CRB1: variants seen among roughly 807,000 people sequenced by gnomAD.
CRB1 encodes crumbs cell polarity complex component 1.
A neutral mutation model predicts 120.0 loss-of-function variants in CRB1; 83 were observed. That is an observed-to-expected ratio of 0.69 (90% CI 0.58 to 0.83). The LOEUF is 0.83. Among genes scored for constraint, CRB1 ranks in the 40% least tolerant of loss-of-function variants. The probability of loss-of-function intolerance (pLI) is 0.00; values close to 1 mark genes in which losing one functional copy is unlikely to be tolerated. For missense variants in CRB1, 1,699 were observed against 1,687.6 expected (o/e 1.01, Z -0.12); for synonymous variants, 625 against 612.5 (o/e 1.02, Z -0.30).
intron 6 of CRB1, among the ~76,000 whole-genome samples, chr1:197,426,158 G>C (rs1664573169): frequency 6.6e-6 from 1 of 151,962 alleles, no homozygotes; most frequent in Non-Finnish European, 1.5e-5. Flanking sequence ...CAAAGCCTTA[G>C]AGATGAACTT....
intron 5 of CRB1, among the ~76,000 whole-genome samples, chr1:197,416,682 T>C (rs1014354301): frequency 4.6e-5 from 7 of 152,052 alleles, no homozygotes; most frequent in Non-Finnish European, 7.4e-5. Context: ...TTTTGAAAGG[T>C]TTATACTTTT....
chr1:197,412,571 G>A (rs1663764618), intron 5 of CRB1, among the ~76,000 whole-genome samples: 1 of 152,108 alleles, frequency 6.6e-6, no homozygotes, highest in African/African-American at 2.4e-5. Context: ...TAGGTCCATT[G>A]ATCAGAACCC....
chr1:197,319,474 AT>A (rs1386178149), intron 1 of CRB1, among the ~76,000 whole-genome samples: 1 of 148,326 alleles, frequency 6.7e-6, no homozygotes, highest in African/African-American at 2.5e-5. Context: ...AACGGAGAAT[AT>A]TTTTTAAATA....
intron 11 of CRB1, among the ~76,000 whole-genome samples, chr1:197,472,919 T>C (rs1299239193): frequency 6.6e-6 from 1 of 152,198 alleles, no homozygotes; most frequent in East Asian, 1.9e-4. Context: ...AAAGTTCTTG[T>C]CCTGTGCGTA....
chr1:197,404,352 G>A (rs1009315757), intron 5 of CRB1, among the ~76,000 whole-genome samples: 2 of 146,580 alleles, frequency 1.4e-5, no homozygotes, highest in Non-Finnish European at 3.0e-5. Flanking sequence ...TGAGGCAGGA[G>A]AATGGCATGA....
intron 5 of CRB1, among the ~76,000 whole-genome samples, chr1:197,414,516 T>C (rs1471591623): frequency 1.3e-5 from 2 of 152,136 alleles, no homozygotes; most frequent in Non-Finnish European, 2.9e-5. Flanking sequence ...AGTATTATTA[T>C]GGAATCAGAT....
chr1:197,314,500 T>C (rs1418028410), intron 1 of CRB1, among the ~76,000 whole-genome samples: 2 of 152,200 alleles, frequency 1.3e-5, no homozygotes, highest in African/African-American at 2.4e-5. Flanking sequence ...TCAATATTTA[T>C]ACTTTTTTCT....
chr1:197,398,300 C>A (rs755182438), intron 5 of CRB1, among the ~76,000 whole-genome samples: 2 of 152,148 alleles, frequency 1.3e-5, no homozygotes, highest in Non-Finnish European at 2.9e-5. Flanking sequence ...ATTTAGAATA[C>A]CTTTCTCATT....
intron 1 of CRB1, among the ~76,000 whole-genome samples, chr1:197,320,871 G>A (rs1658149730): frequency 6.6e-6 from 1 of 152,110 alleles, no homozygotes; most frequent in African/African-American, 2.4e-5. Context: ...ATGTTATGAT[G>A]TCTCATGCAT....
rs549597641 is a variant in CRB1, at chr1:197,290,908, G to T, written c.70+22426G>T. Among the ~76,000 whole-genome samples, 4 of 151,688 alleles carry T rather than the reference G, an allele frequency of 2.6e-5. No homozygotes were observed. The South Asian group carries it at 8.3e-4, about 32-fold the overall frequency. On this transcript the variant is annotated intron_variant, in intron 1 of 11. Transcript: ENST00000367400. ...TGTGTTTCTTGTGCCTGGCTCTCTG[G>T]TACTAAATGTATTTTTAATTGTAAT...
intron 1 of CRB1, 80 bp from the exon 2 acceptor site, chr1:197,328,342 A>G: frequency 8.6e-7 from 1 of 1,166,504 alleles, no homozygotes; most frequent in Non-Finnish European, 1.2e-6. Flanking sequence ...TGGTTGAGGC[A>G]GCACAAAGGT....
intron 10 of CRB1, chr1:197,440,284 C>A (rs1158163393): frequency 6.6e-6 from 1 of 152,166 alleles, no homozygotes; most frequent in Non-Finnish European, 1.5e-5. Context: ...CTATTTACAA[C>A]AAATATCTCC....
At position 197,442,170 on chromosome 1, in the gene CRB1, G is replaced by C. The variant is rs1553264618; in HGVS notation, c.3883G>C (p.Glu1295Gln). 1 of 1,614,118 alleles carries C rather than the reference G, an allele frequency of 6.2e-7. No individual in the cohort carries two copies. Among genetic ancestry groups the C allele is most frequent in the East Asian group, 2.2e-5 (1 of 44,864 alleles). Reference sequence around the variant, plus strand: ...GCTGTTCTGTTTATTTTGAAGGTGTGAAAAGGACATTGATGAGTGTGCCTC... The same window carrying C: ...GCTGTTCTGTTTATTTTGAAGGTGTCAAAAGGACATTGATGAGTGTGCCTC... ...CRPGFTGEWCEKDIDECASDP... is the reference protein window; with the variant it reads ...CRPGFTGEWCQKDIDECASDP... Residue 1295 changes from glutamate (E) to glutamine (Q), a missense_variant, in exon 11 of 12, where the codon GAA becomes CAA. Glu to Gln is a conservative substitution (Grantham distance 29, BLOSUM62 2). Coordinates refer to ENST00000367400, the MANE Select transcript of CRB1 (RefSeq NM_201253.3).
At chr1:197,323,629 A>G (rs1280806040) in intron 1 of CRB1, among the ~76,000 whole-genome samples, 1 of 152,216 alleles carries the variant, frequency 6.6e-6, no homozygotes, top group Non-Finnish European at 1.5e-5. Flanking sequence ...TTCCTCATTA[A>G]AATTTTTCAT....
chr1:197,407,728 G>T (rs926925874), intron 5 of CRB1, among the ~76,000 whole-genome samples: 2 of 151,974 alleles, frequency 1.3e-5, no homozygotes, highest in Admixed American at 1.3e-4. Context: ...CCCACTAAGG[G>T]ACTCTTATGA....
At position 197,316,357 on chromosome 1, in the gene CRB1, T is replaced by C. The variant is rs558659637; in HGVS notation, c.71-12065T>C. On this transcript the variant is annotated intron_variant, in intron 1 of 11. Coordinates refer to ENST00000367400, the MANE Select transcript of CRB1 (RefSeq NM_201253.3). Reference sequence around the variant, plus strand: ...CCGCCACCGAGCCCGGCTGATTTTTTGTATTTTTAGTAGATACGGGGTTTC... The same window carrying C: ...CCGCCACCGAGCCCGGCTGATTTTTCGTATTTTTAGTAGATACGGGGTTTC... Among the ~76,000 whole-genome samples, 5 of 151,602 alleles carry C rather than the reference T, an allele frequency of 3.3e-5. No homozygotes were observed. The South Asian group carries it at 1.1e-3, about 32-fold the overall frequency.
chr1:197,318,865 T>C (rs1156954872), intron 1 of CRB1, among the ~76,000 whole-genome samples: 2 of 151,942 alleles, frequency 1.3e-5, no homozygotes, highest in African/African-American at 4.8e-5. Context: ...ATAGGAGAGA[T>C]TGGCCAATGG....
In CRB1 at chr1:197,347,358, G is replaced by A. The variant is rs147244321; in HGVS notation, c.867G>A (p.Thr289=). ...TTTCCAGATATAGCTGTAACTGCACGGGTAGTGGATTCACAGGGACACACT... is the reference window on the plus strand; with the variant it reads ...TTTCCAGATATAGCTGTAACTGCACAGGTAGTGGATTCACAGGGACACACT... ...DGENRYSCNC[T]GSGFTGTHCE... The change falls in exon 4 of 12, where the codon ACG becomes ACA. Residue 289 remains threonine, a synonymous_variant. Transcript: ENST00000367400. The A allele has an allele frequency of 3.0e-5, 48 of 1,613,774 alleles. No individual in the cohort carries two copies. Among genetic ancestry groups the A allele is most frequent in the Admixed American group, 5.0e-5 (3 of 59,994 alleles).
chr1:197,255,996 T>TATATATATATACACAC, the CRB1 span, among the ~76,000 whole-genome samples: 1 of 116,710 alleles, frequency 8.6e-6, no homozygotes, highest in Non-Finnish European at 1.7e-5. Flanking sequence ...TATATATATA[T>TATATATATATACACAC]ACACTACAAT....
Sources: gnomAD v4.1 joint callset for allele counts (sites outside exome capture counted in the v4.1 genomes callset) on GRCh38, gnomAD v4.1.1 for gene constraint, MANE v1.5 for transcripts, NCBI Gene and HGNC (gene_info 2026-07-23, HGNC 2026-07-21) for gene names.